Variants in CNTNAP5 observed in about 807,000 individuals in gnomAD.
CNTNAP5 encodes contactin-associated protein-like 5.
In CNTNAP5, 72 loss-of-function variants were observed where a neutral mutation model predicts 150.2. The observed-to-expected ratio is 0.48, with a 90% CI of 0.40 to 0.58. CNTNAP5 has a LOEUF of 0.58. Among genes scored for constraint, CNTNAP5 ranks in the 20% least tolerant of loss-of-function variants. The pLI is 0.00. For missense variants in CNTNAP5, 1,636 were observed against 1,626.2 expected, an observed-to-expected ratio of 1.01 and a Z score of -0.10; for synonymous variants, 672 against 619.8, an observed-to-expected ratio of 1.08 and a Z score of -1.25.
At chr2:124,603,198 A>G (rs1359959604) in intron 11 of CNTNAP5, among the ~76,000 whole-genome samples, 2 of 152,250 alleles carry the variant, frequency 1.3e-5, no homozygotes, top group East Asian at 3.9e-4. Flanking sequence ...TGTTGAAGAA[A>G]CTAAGTGAAA....
At chr2:124,201,927 C>T (rs1240298372) in intron 1 of CNTNAP5, among the ~76,000 whole-genome samples, 1 of 152,134 alleles carries the variant, frequency 6.6e-6, no homozygotes. Context: ...TCATTAGCCT[C>T]ACCATTAATA....
chr2:124,175,582 C>A (rs1324268187), intron 1 of CNTNAP5, among the ~76,000 whole-genome samples: 9 of 152,108 alleles, frequency 5.9e-5, no homozygotes, highest in Non-Finnish European at 1.0e-4. Flanking sequence ...AGTTTTTCAG[C>A]CCTTGCCCCC....
intron 1 of CNTNAP5, among the ~76,000 whole-genome samples, chr2:124,129,628 G>C (rs1683797937): frequency 6.6e-6 from 1 of 152,162 alleles, no homozygotes; most frequent in African/African-American, 2.4e-5. Flanking sequence ...CTCTGTTAAA[G>C]ATGGTATTAA....
chr2:124,627,223 C>T (rs6751634), intron 12 of CNTNAP5, among the ~76,000 whole-genome samples: 2 of 151,900 alleles, frequency 1.3e-5, no homozygotes, highest in Non-Finnish European at 2.9e-5. Context: ...CACCAGCTCC[C>T]CTAAGGGGCA....
chr2:124,907,960 G>C (rs1678572544), intron 22 of CNTNAP5, among the ~76,000 whole-genome samples: 1 of 151,612 alleles, frequency 6.6e-6, no homozygotes, highest in Admixed American at 6.6e-5. Context: ...GCTAGAAATG[G>C]GGAAATCTGT....
rs1250182159 is a variant in CNTNAP5 at position 124,025,752 on chromosome 2, G to A, written c.82+20G>A. ...CAAACTGTGAGTACGAGGAGCTGGG[G>A]GCGGGAAGGTGAGGTGGAAAACGAT... On this transcript the variant is annotated intron_variant, in intron 1 of 23. Coordinates refer to ENST00000682447, the MANE Select transcript of CNTNAP5 (RefSeq NM_001367498.1). 1 of 1,589,282 alleles carries A rather than the reference G, an allele frequency of 6.3e-7. No individual in the cohort carries two copies. Among genetic ancestry groups the A allele is most frequent in the African/African-American group, 1.3e-5 (1 of 74,366 alleles).
chr2:124,872,374 CTGTGTGTGTGTGTGTGTG>C lies in CNTNAP5; in HGVS notation c.3436+2637_3436+2654del, dbSNP rs56024878. On this transcript the variant is annotated intron_variant, in intron 21 of 23. Coordinates refer to ENST00000682447, the MANE Select transcript of CNTNAP5 (RefSeq NM_001367498.1). ...TCCTGTGGTAACTTGTTTCCTTATG[CTGTGTGTGTGTGTGTGTG>C]TGTGTGTGTGTGTGTGTGTGTGTGC... 7.2e-5 allele frequency among the ~76,000 whole-genome samples: 10 copies of C among 139,438 alleles called. No homozygotes were observed. In the South Asian group the frequency reaches 7.3e-4, roughly 10 times the overall value. The allele number at this position is 139,438 out of a possible 152,430, so 91.5% of individuals were successfully genotyped here. A position where few individuals can be genotyped will look rare whatever the true frequency, so the allele number is the denominator to read the frequency against.
At chr2:124,468,442 A>G (rs760121812) in intron 6 of CNTNAP5, among the ~76,000 whole-genome samples, 1 of 152,108 alleles carries the variant, frequency 6.6e-6, no homozygotes, top group Non-Finnish European at 1.5e-5. Context: ...CCAACACAGC[A>G]GAAAGAAGCA....
At chr2:124,575,929 C>A (rs1696273004) in intron 11 of CNTNAP5, among the ~76,000 whole-genome samples, 1 of 152,162 alleles carries the variant, frequency 6.6e-6, no homozygotes, top group South Asian at 2.1e-4. Context: ...GTTAGGCTTT[C>A]CCTTTTAGCA....
At chr2:124,394,583 A>G (rs1691199550) in intron 3 of CNTNAP5, among the ~76,000 whole-genome samples, 1 of 152,174 alleles carries the variant, frequency 6.6e-6, no homozygotes, top group South Asian at 2.1e-4. Flanking sequence ...GAGAAGTTAT[A>G]TATTGAACAC....
intron 1 of CNTNAP5, among the ~76,000 whole-genome samples, chr2:124,055,949 C>T (rs115573352): frequency 0.021 from 3,135 of 151,992 alleles, 54 homozygotes; most frequent in Middle Eastern, 0.038. Flanking sequence ...ATTTTGACTC[C>T]CTCTGTGACT....
intron 1 of CNTNAP5, among the ~76,000 whole-genome samples, chr2:124,030,057 T>C (rs1421824347): frequency 6.6e-6 from 1 of 152,160 alleles, no homozygotes; most frequent in Non-Finnish European, 1.5e-5. Flanking sequence ...TTCTGGATGG[T>C]GACCTTGTAG....
chr2:124,803,851 C>T (rs1173747013), intron 19 of CNTNAP5, among the ~76,000 whole-genome samples: 1 of 152,176 alleles, frequency 6.6e-6, no homozygotes, highest in Non-Finnish European at 1.5e-5. Context: ...CCCTGCCATT[C>T]CTGCTATCTT....
intron 7 of CNTNAP5, among the ~76,000 whole-genome samples, chr2:124,477,817 C>CT (rs985346342): frequency 6.6e-6 from 1 of 152,030 alleles, no homozygotes; most frequent in African/African-American, 2.4e-5. Context: ...AGCAGGGGCA[C>CT]TACATTGAAA....
At chr2:124,667,859 G>T (rs1014439116) in intron 13 of CNTNAP5, among the ~76,000 whole-genome samples, 15 of 152,222 alleles carry the variant, frequency 9.9e-5, no homozygotes, top group African/African-American at 3.6e-4. Flanking sequence ...CATTTCTCCC[G>T]TAAGGGAAGC....
chr2:124,647,705 A>AT, intron 12 of CNTNAP5, 53 bp from the exon 13 acceptor site: 2 of 1,508,434 alleles, frequency 1.3e-6, no homozygotes, highest in South Asian at 2.6e-5. Context: ...CACATGCTCC[A>AT]TTTTTGACAT....
chr2:124,392,642 A>G (rs1691143180), intron 3 of CNTNAP5, among the ~76,000 whole-genome samples: 1 of 143,352 alleles, frequency 7.0e-6, no homozygotes, highest in African/African-American at 2.6e-5. Flanking sequence ...TAAGTATGAC[A>G]TTTGAATAAA....
chr2:124,319,040 T>G (rs1689037784), intron 3 of CNTNAP5, among the ~76,000 whole-genome samples: 1 of 152,338 alleles, frequency 6.6e-6, no homozygotes, highest in East Asian at 1.9e-4. Context: ...TCTCCCTTCC[T>G]GCTCTAGCTC....
chr2:124,648,314 G>A (rs906572411), intron 13 of CNTNAP5, among the ~76,000 whole-genome samples: 6 of 152,252 alleles, frequency 3.9e-5, no homozygotes, highest in Middle Eastern at 3.4e-3. Context: ...CTAGTTTGGG[G>A]AGAGAGAATA....
Sources: gnomAD v4.1 joint callset for allele counts (sites outside exome capture counted in the v4.1 genomes callset) on GRCh38, gnomAD v4.1.1 for gene constraint, MANE v1.5 for transcripts, NCBI Gene and HGNC (gene_info 2026-07-23, HGNC 2026-07-21) for gene names.